VPS41: variants seen among roughly 807,000 people sequenced by gnomAD.
The protein encoded by VPS41 is VPS41 subunit of HOPS complex, also known as vacuolar protein sorting-associated protein 41 homolog.
Under a neutral mutation model 130.9 loss-of-function variants are expected in VPS41, and 85 were observed. That is an observed-to-expected ratio of 0.65 (90% confidence interval 0.55 to 0.78). VPS41 has a LOEUF of 0.78. Among genes scored for constraint, VPS41 ranks in the 30% least tolerant of loss-of-function variants. VPS41 has a pLI of 0.00. For missense variants in VPS41, 874 were observed against 1,018.7 expected, an observed-to-expected ratio of 0.86 and a Z score of 1.93; for synonymous variants, 335 against 332.9, an observed-to-expected ratio of 1.01 and a Z score of -0.07.
At chr7:38,826,781 AT>A (rs770810775) in intron 5 of VPS41, among the ~76,000 whole-genome samples, 23 of 152,154 alleles carry the variant, frequency 1.5e-4, no homozygotes, top group Non-Finnish European at 2.6e-4. Context: ...TCTATGGCAT[AT>A]AAAAAGTAGT....
Position 38,796,731 on chromosome 7 carries a change from G to C in VPS41, c.570+14C>G. The C allele has an allele frequency of 6.2e-7, 1 of 1,613,490 alleles. No homozygotes were observed. The highest frequency in any genetic ancestry group is 8.5e-7 in the Non-Finnish European group (1 of 1,179,618). On this transcript the variant is annotated intron_variant, in intron 8 of 28. Coordinates refer to ENST00000310301, the MANE Select transcript of VPS41 (RefSeq NM_014396.4). ...ACTGAACAAGCATTAGGAAGACAGA[G>C]GCATATTTTTTACCATATTATTGGC...
intron 4 of VPS41, among the ~76,000 whole-genome samples, chr7:38,848,115 T>A (rs1785766678): frequency 6.6e-6 from 1 of 152,242 alleles, no homozygotes; most frequent in Non-Finnish European, 1.5e-5. Flanking sequence ...CATTAAATCA[T>A]TTTCCAAGCA....
At chr7:38,810,980 C>A (rs1784932615) in intron 7 of VPS41, among the ~76,000 whole-genome samples, 1 of 152,134 alleles carries the variant, frequency 6.6e-6, no homozygotes, top group African/African-American at 2.4e-5. Flanking sequence ...GTAGTTATCT[C>A]ATTTTTCAAA....
intron 4 of VPS41, among the ~76,000 whole-genome samples, chr7:38,844,581 A>C (rs1785683536): frequency 6.6e-6 from 1 of 152,208 alleles, no homozygotes; most frequent in Non-Finnish European, 1.5e-5. Flanking sequence ...ATTTTGAGGA[A>C]GAGTCATCTT....
At position 38,737,128 on chromosome 7, in the gene VPS41, C is replaced by T. The variant is rs373868692; in HGVS notation, c.2259+4857G>A. On this transcript the variant is annotated intron_variant, in intron 25 of 28. Coordinates refer to ENST00000310301, the MANE Select transcript of VPS41 (RefSeq NM_014396.4). ...CGGTGGCTCACACCTGCCATGCCAG[C>T]ACTTTGGGAGGCCGAGGCAGGCGGA... Among the ~76,000 whole-genome samples the T allele has an allele frequency of 1.1e-4, 17 of 152,296 alleles. No homozygotes were observed. In the East Asian group the frequency reaches 1.4e-3, roughly 12 times the overall value.
At position 38,841,367 on chromosome 7, in the gene VPS41, A is replaced by G. The variant is rs115154009; in HGVS notation, c.247-11039T>C. Among the ~76,000 whole-genome samples, 1,377 of 152,332 alleles carry G rather than the reference A, an allele frequency of 9.0e-3. 27 individuals carry two copies. Among genetic ancestry groups the G allele is most frequent in the African/African-American group, 0.031 (1,273 of 41,562 alleles). Reference sequence around the variant, plus strand: ...CCAAGGAACCAATCATCCAAGGTATACAAAGGAATGGCTGCCTATTTCCTT... The same window carrying G: ...CCAAGGAACCAATCATCCAAGGTATGCAAAGGAATGGCTGCCTATTTCCTT... On this transcript the variant is annotated intron_variant, in intron 4 of 28. Transcript: ENST00000310301.
Position 38,774,132 on chromosome 7 carries a change from C to A in VPS41, c.995G>T (p.Cys332Phe). ...LTVRGFQENE[C>F]RDYHLEYSEG... ...TCTCCTACCTAAATGATAATCTCTA[C>A]ATTCATTCTCCTGAAAGCCTCTGAC... Residue 332 changes from cysteine to phenylalanine, a missense_variant, in exon 12 of 29, where the codon TGT becomes TTT. Physicochemically the swap from Cys to Phe is radical, Grantham distance 205. Transcript: ENST00000310301. 6.2e-7 allele frequency: 1 copy of A among 1,606,290 alleles called. No homozygotes were observed. Among genetic ancestry groups the A allele is most frequent in the Non-Finnish European group, 8.5e-7 (1 of 1,174,672 alleles).
At chr7:38,822,105 G>A (rs1303585557) in intron 5 of VPS41, among the ~76,000 whole-genome samples, 3 of 152,162 alleles carry the variant, frequency 2.0e-5, no homozygotes, top group Non-Finnish European at 4.4e-5. Flanking sequence ...CTGCTTATCA[G>A]TGTCTCCCTT....
intron 22 of VPS41, among the ~76,000 whole-genome samples, chr7:38,751,110 C>T (rs982343953): frequency 1.3e-5 from 2 of 152,050 alleles, no homozygotes; most frequent in Middle Eastern, 3.2e-3. Flanking sequence ...AACAGGCAGG[C>T]AAGATTTTTT....
chr7:38,891,249 G>A (rs182285633), intron 2 of VPS41, among the ~76,000 whole-genome samples: 86 of 152,144 alleles, frequency 5.7e-4, no homozygotes, highest in Non-Finnish European at 9.9e-4. Context: ...AGATGAATAT[G>A]TTTTGCTAAA....
chr7:38,786,392 A>G (rs1287913167), intron 10 of VPS41, among the ~76,000 whole-genome samples: 1 of 152,128 alleles, frequency 6.6e-6, no homozygotes, highest in Non-Finnish European at 1.5e-5. Flanking sequence ...AACAATATAT[A>G]TTTGTTACTT....
chr7:38,798,898 C>T (rs961077110), intron 7 of VPS41, among the ~76,000 whole-genome samples: 3 of 152,064 alleles, frequency 2.0e-5, no homozygotes, highest in African/African-American at 7.2e-5. Flanking sequence ...GTAAAATATG[C>T]TAATAATAAG....
chr7:38,852,376 A>T (rs1332156462), intron 4 of VPS41, among the ~76,000 whole-genome samples: 1 of 152,202 alleles, frequency 6.6e-6, no homozygotes, highest in Non-Finnish European at 1.5e-5. Flanking sequence ...CACTGCTTTG[A>T]GAACTATCCC....
At chr7:38,758,211 G>T in intron 18 of VPS41, 143 bp downstream of exon 18, 1 of 706,042 alleles carries the variant, frequency 1.4e-6, no homozygotes, top group South Asian at 2.0e-5. Flanking sequence ...CTCATTTGAG[G>T]TTTATGAGAG....
intron 7 of VPS41, among the ~76,000 whole-genome samples, chr7:38,813,513 C>A (rs1220962194): frequency 6.6e-6 from 1 of 152,104 alleles, no homozygotes; most frequent in Non-Finnish European, 1.5e-5. Flanking sequence ...TCTGGTGAAC[C>A]TCATGGTATG....
intron 17 of VPS41, among the ~76,000 whole-genome samples, chr7:38,758,690 A>G (rs554287261): frequency 1.4e-3 from 208 of 152,332 alleles, no homozygotes; most frequent in African/African-American, 4.7e-3. Context: ...GGTTGGGCAC[A>G]GGATAGACTG....
intron 4 of VPS41, among the ~76,000 whole-genome samples, chr7:38,855,326 G>T (rs959916555): frequency 6.6e-6 from 1 of 151,250 alleles, no homozygotes; most frequent in South Asian, 2.1e-4. Flanking sequence ...GAAGGAAAAT[G>T]ATCATTTCTT....
chr7:38,907,119 G>A (rs940442953), intron 1 of VPS41, among the ~76,000 whole-genome samples: 15 of 151,970 alleles, frequency 9.9e-5, no homozygotes, highest in African/African-American at 2.9e-4. Flanking sequence ...TATGTCAAAC[G>A]GTGATGCACA....
intron 4 of VPS41, among the ~76,000 whole-genome samples, chr7:38,856,220 G>C (rs575852939): frequency 2.0e-5 from 3 of 152,104 alleles, no homozygotes; most frequent in Non-Finnish European, 2.9e-5. Flanking sequence ...GTGCAGTGGT[G>C]CAATTATAAC....
Sources: gnomAD v4.1 joint callset for allele counts (sites outside exome capture counted in the v4.1 genomes callset) on GRCh38, gnomAD v4.1.1 for gene constraint, MANE v1.5 for transcripts, NCBI Gene and HGNC (gene_info 2026-07-23, HGNC 2026-07-21) for gene names.